Variants in STIM2 observed in about 807,000 individuals in gnomAD.
STIM2 encodes the protein stromal interaction molecule 2.
Under a neutral mutation model 85.8 loss-of-function variants are expected in STIM2, and 31 were observed. That is an observed-to-expected ratio of 0.36 (90% CI 0.27 to 0.49). STIM2 has a LOEUF of 0.49. Ranked by LOEUF, STIM2 falls within the 20% of genes least tolerant of loss-of-function variation. STIM2 has a pLI of 0.98. For synonymous variants in STIM2, 356 were observed against 331.1 expected (o/e 1.08, Z -0.82); for missense variants, 841 against 927.6 (o/e 0.91, Z 1.21).
chr4:26,893,000 A>G (rs1011363952), intron 1 of STIM2, among the ~76,000 whole-genome samples: 1 of 152,216 alleles, frequency 6.6e-6, no homozygotes, highest in South Asian at 2.1e-4. Context: ...TCATTCTCCA[A>G]AATTCATCTG....
intron 11 of STIM2, among the ~76,000 whole-genome samples, chr4:27,020,295 C>T (rs1441122988): frequency 6.6e-6 from 1 of 152,174 alleles, no homozygotes; most frequent in East Asian, 1.9e-4. Context: ...GGAAGCTGAA[C>T]AGCTTCAGGG....
At chr4:26,889,231 A>T (rs750112606) in intron 1 of STIM2, among the ~76,000 whole-genome samples, 2 of 152,216 alleles carry the variant, frequency 1.3e-5, no homozygotes. Flanking sequence ...ACATAGCCTC[A>T]TGGAAAACAT....
intron 1 of STIM2, among the ~76,000 whole-genome samples, chr4:26,896,337 A>C (rs936459485): frequency 6.6e-6 from 1 of 152,244 alleles, no homozygotes; most frequent in African/African-American, 2.4e-5. Context: ...TTACATTTGT[A>C]AAATCCTTTC....
chr4:26,891,371 C>G (rs780479334), intron 1 of STIM2, among the ~76,000 whole-genome samples: 8 of 152,122 alleles, frequency 5.3e-5, no homozygotes, highest in Non-Finnish European at 8.8e-5. Context: ...TTCTAGCTTG[C>G]TAGCTTGCTC....
intron 1 of STIM2, among the ~76,000 whole-genome samples, chr4:26,916,070 T>C (rs1724567885): frequency 6.6e-6 from 1 of 152,192 alleles, no homozygotes; most frequent in African/African-American, 2.4e-5. Context: ...GCACAGACCT[T>C]TTTTAGCAGG....
At chr4:26,915,863 A>G (rs1724558132) in intron 1 of STIM2, among the ~76,000 whole-genome samples, 1 of 152,230 alleles carries the variant, frequency 6.6e-6, no homozygotes, top group Non-Finnish European at 1.5e-5. Context: ...CACCAAGCAC[A>G]GAGCCTGACG....
chr4:26,970,223 GTA>G (rs1553851733), intron 3 of STIM2, among the ~76,000 whole-genome samples: 963 of 13,594 alleles, frequency 0.071, 9 homozygotes, highest in African/African-American at 0.14. Context: ...ATATATATAT[GTA>G]TATATATATA....
chr4:26,893,771 AT>A (rs59956383), intron 1 of STIM2, among the ~76,000 whole-genome samples: 92,778 of 151,100 alleles, frequency 0.61, 29,701 homozygotes, highest in African/African-American at 0.82. Context: ...TTAAACATTC[AT>A]TTTTTTTTTG....
chr4:26,892,534 G>C (rs1723534289), intron 1 of STIM2, among the ~76,000 whole-genome samples: 1 of 152,036 alleles, frequency 6.6e-6, no homozygotes, highest in Non-Finnish European at 1.5e-5. Context: ...TTTTTGGGGG[G>C]GGACGCATAT....
intron 1 of STIM2, among the ~76,000 whole-genome samples, chr4:26,884,614 T>A (rs1723141648): frequency 6.6e-6 from 1 of 152,228 alleles, no homozygotes; most frequent in Non-Finnish European, 1.5e-5. Flanking sequence ...GTACAAGCTA[T>A]TTTAAGAAGG....
chr4:26,877,385 A>G (rs895782071), intron 1 of STIM2, among the ~76,000 whole-genome samples: 26 of 152,106 alleles, frequency 1.7e-4, no homozygotes, highest in African/African-American at 6.0e-4. Context: ...ATCCTTTAAC[A>G]TATTAATCTT....
At chr4:26,875,743 G>T (rs1280663599) in intron 1 of STIM2, among the ~76,000 whole-genome samples, 1 of 152,110 alleles carries the variant, frequency 6.6e-6, no homozygotes, top group East Asian at 1.9e-4. Context: ...GGATGTTCTT[G>T]AAAAATCTTA....
At chr4:27,003,267 T>G (rs1254719085) in intron 7 of STIM2, among the ~76,000 whole-genome samples, 163 bp downstream of exon 7, 2 of 152,184 alleles carry the variant, frequency 1.3e-5, no homozygotes, top group Non-Finnish European at 2.9e-5. Context: ...AAAGTTCATA[T>G]AGCAAAATAA....
At chr4:26,889,366 A>G (rs140454781) in intron 1 of STIM2, among the ~76,000 whole-genome samples, 64 of 152,344 alleles carry the variant, frequency 4.2e-4, no homozygotes, top group African/African-American at 1.5e-3. Context: ...TTTTATTAGT[A>G]TGGGTCCACT....
intron 1 of STIM2, among the ~76,000 whole-genome samples, chr4:26,896,421 A>G (rs1336588741): frequency 6.6e-6 from 1 of 152,234 alleles, no homozygotes; most frequent in Admixed American, 6.5e-5. Context: ...TACAGGGTGT[A>G]TCAACAGGGG....
chr4:26,906,952 G>A (rs2109056523), intron 1 of STIM2, among the ~76,000 whole-genome samples: 1 of 137,946 alleles, frequency 7.2e-6, no homozygotes, highest in South Asian at 2.4e-4. Flanking sequence ...GGGCGATAGA[G>A]TGAGACTCCG....
chr4:26,901,531 C>A (rs116620043), intron 1 of STIM2, among the ~76,000 whole-genome samples: 8 of 152,056 alleles, frequency 5.3e-5, no homozygotes, highest in Non-Finnish European at 1.0e-4. Flanking sequence ...GTATAACTTG[C>A]GTCTGCCACA....
chr4:26,892,096 T>C (rs1405654868), intron 1 of STIM2, among the ~76,000 whole-genome samples: 1 of 152,222 alleles, frequency 6.6e-6, no homozygotes, highest in Non-Finnish European at 1.5e-5. Flanking sequence ...CTCCTTACCT[T>C]CTGCCATAAT....
chr4:26,907,913 C>T (rs372795088), intron 1 of STIM2, among the ~76,000 whole-genome samples: 3 of 152,314 alleles, frequency 2.0e-5, no homozygotes, highest in South Asian at 2.1e-4. Context: ...CTGATTCTCC[C>T]CTCTTCCCTT....
Sources: allele counts gnomAD v4.1 joint callset (sites outside exome capture counted in the v4.1 genomes callset), GRCh38; gene constraint gnomAD v4.1.1; transcripts MANE v1.5; gene names NCBI Gene and HGNC (gene_info 2026-07-23, HGNC 2026-07-21).